SLC25A25: variants seen among roughly 807,000 people sequenced by gnomAD.
SLC25A25 encodes solute carrier family 25 member 25.
SLC25A25 carries 32 observed loss-of-function variants against 57.7 expected under a neutral mutation model. The ratio of observed to expected loss-of-function variants is 0.55; its 90% CI spans 0.42 to 0.74. SLC25A25 has a LOEUF of 0.74. Ranked by LOEUF, SLC25A25 falls within the 30% of genes least tolerant of loss-of-function variation. SLC25A25 has a pLI of 0.00. For synonymous variants in SLC25A25, 306 were observed against 291.2 expected (o/e 1.05, Z -0.52); for missense variants, 556 against 701.3 (o/e 0.79, Z 2.34).
intron 1 of SLC25A25, among the ~76,000 whole-genome samples, chr9:128,093,791 T>C (rs527364254): frequency 6.6e-6 from 1 of 152,364 alleles, no homozygotes; most frequent in African/African-American, 2.4e-5. Flanking sequence ...GATCACTGGC[T>C]GATTGGGGCT....
At position 128,099,865 on chromosome 9, in the gene SLC25A25, A is replaced by C. The variant is rs1214422168; in HGVS notation, c.262-1231A>C. ...CATTTCCAAACCCCAGCTGGCTGTC[A>C]GTTGATTTCTCCCAGTGAGAAATCC... On this transcript the variant is annotated intron_variant, in intron 1 of 10. Transcript: ENST00000373069. The surrounding 1 kb of genome is among the most constrained non-coding windows in gnomAD (Gnocchi z 6.8). Among the ~76,000 whole-genome samples, 1 of 152,144 alleles carries C rather than the reference A, an allele frequency of 6.6e-6. No individual in the cohort carries two copies. Among genetic ancestry groups the C allele is most frequent in the Non-Finnish European group, 1.5e-5 (1 of 68,040 alleles).
chr9:128,079,635 G>C (rs978874231), intron 1 of SLC25A25, among the ~76,000 whole-genome samples: 12 of 150,822 alleles, frequency 8.0e-5, no homozygotes, highest in Non-Finnish European at 1.6e-4. Flanking sequence ...AAATTAGCCG[G>C]GCCTGGTGGC....
At chr9:128,074,208 T>A (rs773156074) in intron 1 of SLC25A25, among the ~76,000 whole-genome samples, 2 of 151,522 alleles carry the variant, frequency 1.3e-5, no homozygotes, top group East Asian at 2.0e-4. Context: ...TCAGGCTAAC[T>A]TTTTTGTATT....
chr9:128,086,018 A>G lies in SLC25A25; in HGVS notation c.262-15078A>G, dbSNP rs555377096. Among the ~76,000 whole-genome samples the G allele has an allele frequency of 5.3e-5, 8 of 151,800 alleles. No individual in the cohort carries two copies. The East Asian group carries it at 1.6e-3, about 30-fold the overall frequency. On this transcript the variant is annotated intron_variant, in intron 1 of 10. Coordinates refer to ENST00000373069, the MANE Select transcript of SLC25A25 (RefSeq NM_001330988.2). ...TGTCATTTTTTTCCAATTTAATTCC[A>G]CTGTGGTCAAAGTACATACTTTGTA...
rs1299431833 is a variant in SLC25A25, at chr9:128,101,916, T to C, written c.477-164T>C. ...GAAACCCTGCGGTCTGAACACTGGC[T>C]GGTCCTCGGGGACAGCAGCCCTGGG... On this transcript the variant is annotated intron_variant, in intron 3 of 10. Coordinates refer to ENST00000373069, the MANE Select transcript of SLC25A25 (RefSeq NM_001330988.2). This position sits in a 1 kb window ranked among gnomAD's most constrained non-coding sequence, Gnocchi z 4.9. Among the ~76,000 whole-genome samples the C allele has an allele frequency of 2.0e-5, 3 of 152,240 alleles. No homozygotes were observed. The highest frequency in any genetic ancestry group is 4.8e-5 in the African/African-American group (2 of 41,468).
chr9:128,107,581 G>A lies in SLC25A25; in HGVS notation c.*137G>A, dbSNP rs958001249. On this transcript the variant is annotated 3_prime_UTR_variant, in exon 11 of 11. Transcript: ENST00000373069. ...TGAAAACCCTAGACGCACCCGCAGG[G>A]AGGGTGGGGAGAGCTGGCAGGCCCA... 35 of 1,055,732 alleles carry A rather than the reference G, an allele frequency of 3.3e-5. No homozygotes were observed. Among genetic ancestry groups the A allele is most frequent in the East Asian group, 5.5e-5 (2 of 36,398 alleles). The allele number at this position is 1,055,732 out of a possible 1,614,324, so 65.4% of individuals were successfully genotyped here.
chr9:128,082,483 C>T (rs1833176454), intron 1 of SLC25A25, among the ~76,000 whole-genome samples: 1 of 152,108 alleles, frequency 6.6e-6, no homozygotes, highest in African/African-American at 2.4e-5. Context: ...TTCATTCCAG[C>T]GGAGACTGAC....
intron 6 of SLC25A25, among the ~76,000 whole-genome samples, chr9:128,104,934 G>A (rs1051653553): frequency 1.3e-5 from 2 of 150,656 alleles, no homozygotes; most frequent in African/African-American, 2.4e-5. Flanking sequence ...TCAGCTCACT[G>A]CAACCTCCCT....
At chr9:128,096,239 TG>T (rs1564187689) in intron 1 of SLC25A25, among the ~76,000 whole-genome samples, 1 of 152,250 alleles carries the variant, frequency 6.6e-6, no homozygotes, top group Non-Finnish European at 1.5e-5. Context: ...CTAGGCGCAG[TG>T]GCTCATACCT....
chr9:128,092,125 G>A, intron 1 of SLC25A25: 1 of 1,596,340 alleles, frequency 6.3e-7, no homozygotes, highest in Non-Finnish European at 8.5e-7. Flanking sequence ...CTAGTTTAGG[G>A]CCTGGTCTGG....
intron 1 of SLC25A25, among the ~76,000 whole-genome samples, chr9:128,071,185 T>C (rs1002994754): frequency 6.6e-6 from 1 of 152,158 alleles, no homozygotes; most frequent in African/African-American, 2.4e-5. Flanking sequence ...AATCTGTTTT[T>C]TTAGTGGTGA....
chr9:128,079,614 A>T (rs954864213), intron 1 of SLC25A25, among the ~76,000 whole-genome samples: 8 of 149,810 alleles, frequency 5.3e-5, no homozygotes, highest in African/African-American at 1.7e-4. Context: ...AAAAAAAAAA[A>T]AAAAAAAAAA....
intron 1 of SLC25A25, among the ~76,000 whole-genome samples, chr9:128,084,044 T>C (rs928968085): frequency 2.0e-5 from 3 of 152,108 alleles, no homozygotes; most frequent in Non-Finnish European, 2.9e-5. Flanking sequence ...ATGATTCGAC[T>C]CACTACTTCC....
chr9:128,091,502 G>C, intron 1 of SLC25A25: 1 of 989,160 alleles, frequency 1.0e-6, no homozygotes, highest in Non-Finnish European at 1.2e-6. Flanking sequence ...GAAGTTGCTT[G>C]CTGCCTCCGG....
intron 1 of SLC25A25, among the ~76,000 whole-genome samples, chr9:128,077,178 A>G (rs1407971834): frequency 1.3e-5 from 2 of 152,200 alleles, no homozygotes; most frequent in Admixed American, 1.3e-4. Context: ...AGCTGAGACA[A>G]TAACCCATGG....
intron 1 of SLC25A25, among the ~76,000 whole-genome samples, chr9:128,081,289 A>G (rs865867984): frequency 6.6e-6 from 1 of 152,286 alleles, no homozygotes; most frequent in South Asian, 2.1e-4. Context: ...GGTGAGAGTT[A>G]AGTTTGTGTT....
At position 128,090,546 on chromosome 9, in the gene SLC25A25, C is replaced by T. The variant is rs142772747; in HGVS notation, c.262-10550C>T. On this transcript the variant is annotated intron_variant, in intron 1 of 10. Coordinates refer to ENST00000373069, the MANE Select transcript of SLC25A25 (RefSeq NM_001330988.2). Reference sequence around the variant, plus strand: ...GGTTGTGGGGCCATGCGCGGTGGCTCGCTCCTGTAATCCCAGCACTTTGGG... The same window carrying T: ...GGTTGTGGGGCCATGCGCGGTGGCTTGCTCCTGTAATCCCAGCACTTTGGG... Among the ~76,000 whole-genome samples the T allele has an allele frequency of 1.8e-4, 27 of 151,552 alleles. No homozygotes were observed. In the East Asian group the frequency reaches 4.3e-3, roughly 24 times the overall value.
Position 128,099,320 on chromosome 9 carries a change from C to T in SLC25A25, c.262-1776C>T, listed in dbSNP as rs148201710. Reference sequence around the variant, plus strand: ...GGATTTGCAGATCCAAGGAAGGAGACAGAAGGAGGCCCAGGCCCTGTGAGG... The same window carrying T: ...GGATTTGCAGATCCAAGGAAGGAGATAGAAGGAGGCCCAGGCCCTGTGAGG... On this transcript the variant is annotated intron_variant, in intron 1 of 10. Transcript: ENST00000373069. This position sits in a 1 kb window ranked among gnomAD's most constrained non-coding sequence, Gnocchi z 6.8. The T allele has an allele frequency of 5.0e-4, 635 of 1,271,760 alleles. 12 individuals are homozygous for T. The East Asian group carries it at 0.026, about 51-fold the overall frequency. The allele number at this position is 1,271,760 out of a possible 1,614,324, so 78.8% of individuals were successfully genotyped here.
intron 1 of SLC25A25, chr9:128,091,836 A>G: frequency 1.3e-6 from 2 of 1,575,692 alleles, no homozygotes; most frequent in Non-Finnish European, 1.7e-6. Flanking sequence ...TCAAAAGTGA[A>G]CAGTCGCCAT....
Sources: gnomAD v4.1 joint callset for allele counts (sites outside exome capture counted in the v4.1 genomes callset) on GRCh38, gnomAD v4.1.1 for gene constraint, Gnocchi (gnomAD v3.1) non-coding constraint, MANE v1.5 for transcripts, NCBI Gene and HGNC (gene_info 2026-07-23, HGNC 2026-07-21) for gene names.